The following PAK5 variants were observed in gnomAD, a reference collection of about 807,000 sequenced individuals.
PAK5 encodes the protein serine/threonine-protein kinase PAK 5.
A neutral mutation model predicts 65.9 loss-of-function variants in PAK5; 16 were observed. The ratio of observed to expected loss-of-function variants is 0.24; its 90% CI spans 0.16 to 0.37. The LOEUF is 0.37. PAK5 is among the 10% of genes least tolerant of loss of function. The pLI, the probability that PAK5 is intolerant of heterozygous loss-of-function variation, is 1.00. For missense variants in PAK5, 785 were observed against 903.9 expected, an observed-to-expected ratio of 0.87 and a Z score of 1.69; for synonymous variants, 371 against 354.9, an observed-to-expected ratio of 1.05 and a Z score of -0.51.
chr20:9,587,914 C>G (rs573555530), intron 3 of PAK5, among the ~76,000 whole-genome samples: 1 of 151,956 alleles, frequency 6.6e-6, no homozygotes, highest in East Asian at 1.9e-4. Context: ...TATTAACTAT[C>G]TATAATATAG....
At chr20:9,753,060 C>T (rs916101282) in intron 1 of PAK5, among the ~76,000 whole-genome samples, 1 of 152,146 alleles carries the variant, frequency 6.6e-6, no homozygotes, top group South Asian at 2.1e-4. Flanking sequence ...CCAGACCAGC[C>T]AACCCCAAGC....
At chr20:9,740,604 T>C (rs2048440854) in intron 1 of PAK5, among the ~76,000 whole-genome samples, 1 of 152,228 alleles carries the variant, frequency 6.6e-6, no homozygotes, top group African/African-American at 2.4e-5. Flanking sequence ...TCTCTTGTGC[T>C]CTTGCACCAC....
At chr20:9,783,830 C>T (rs2048966416) in intron 1 of PAK5, among the ~76,000 whole-genome samples, 1 of 152,148 alleles carries the variant, frequency 6.6e-6, no homozygotes, top group Admixed American at 6.5e-5. Flanking sequence ...ATTCTGAAGG[C>T]CAAAACAGCT....
chr20:9,828,273 C>T (rs1358480702), intron 1 of PAK5, among the ~76,000 whole-genome samples: 1 of 152,208 alleles, frequency 6.6e-6, no homozygotes, highest in Non-Finnish European at 1.5e-5. Flanking sequence ...CACTACTTAA[C>T]TCAAGGCGTG....
chr20:9,580,814 G>A lies in PAK5; in HGVS notation c.321C>T (p.Thr107=), dbSNP rs968910151. The part of the protein sequence containing the change: ...SNSLRKESPP[T]PDQGASSHGP... The stretch of plus-strand genomic sequence containing the variant: ...CGTGGCTGGAGGCTCCCTGATCTGG[G>A]GTGGGTGGGCTTTCTTTCCTTAGGG... Residue 107 remains threonine, a synonymous_variant, in exon 4 of 10, where the codon ACC becomes ACT. Transcript: ENST00000353224. 70 of 1,613,848 alleles carry A rather than the reference G, an allele frequency of 4.3e-5. No homozygotes were observed. The highest frequency in any genetic ancestry group is 5.6e-5 in the Non-Finnish European group (66 of 1,179,976).
In PAK5 at chr20:9,580,342, C is replaced by T; in HGVS notation, c.793G>A (p.Asp265Asn). ...AGGTACGAAGACTTTGGCCTCCTGTCATAGTCATCCAGGCTGGGTCCCCAT... is the reference window on the plus strand; with the variant it reads ...AGGTACGAAGACTTTGGCCTCCTGTTATAGTCATCCAGGCTGGGTCCCCAT... ...SEWGPSLDDYDRRPKSSYLNQ... is the reference protein window; with the variant it reads ...SEWGPSLDDYNRRPKSSYLNQ... The change falls in exon 4 of 10, where the codon GAC (aspartate) becomes AAC (asparagine). Residue 265 changes from aspartate (D) to asparagine (N), a missense_variant. By Grantham distance (23) the Asp-to-Asn change is conservative (BLOSUM62 1). Around this residue, in one of 4 missense-constraint regions of PAK5, gnomAD observed 422 missense variants for 413.3 expected, o/e 1.02. Coordinates refer to ENST00000353224, the MANE Select transcript of PAK5 (RefSeq NM_177990.4). The T allele has an allele frequency of 6.2e-7, 1 of 1,614,128 alleles. No homozygotes were observed. Among genetic ancestry groups the T allele is most frequent in the Non-Finnish European group, 8.5e-7 (1 of 1,180,022 alleles).
intron 1 of PAK5, among the ~76,000 whole-genome samples, chr20:9,802,221 G>A (rs1311034191): frequency 1.3e-5 from 2 of 152,086 alleles, no homozygotes; most frequent in African/African-American, 4.8e-5. Flanking sequence ...CTAGAAACAA[G>A]GACAATCTGG....
At chr20:9,541,126 G>A (rs926995151) in intron 9 of PAK5, among the ~76,000 whole-genome samples, 1 of 152,124 alleles carries the variant, frequency 6.6e-6, no homozygotes, top group African/African-American at 2.4e-5. Flanking sequence ...CAACCTATAT[G>A]AGTGATGCTA....
chr20:9,639,529 A>AT lies in PAK5; in HGVS notation c.204+4595dup, dbSNP rs200411332. 4.7e-4 allele frequency among the ~76,000 whole-genome samples: 71 copies of AT among 151,936 alleles called. No individual in the cohort carries two copies. In the East Asian group the frequency reaches 0.012, roughly 26 times the overall value. On this transcript the variant is annotated intron_variant, in intron 3 of 9. Coordinates refer to ENST00000353224, the MANE Select transcript of PAK5 (RefSeq NM_177990.4). The stretch of plus-strand genomic sequence containing the variant: ...GTCACTCCTTGTCTGTTTTTATTTT[A>AT]TTTTTTTCCCTCAGCGGCACAATTG...
chr20:9,672,868 T>C (rs2047519285), intron 2 of PAK5, among the ~76,000 whole-genome samples: 1 of 152,178 alleles, frequency 6.6e-6, no homozygotes, highest in African/African-American at 2.4e-5. Flanking sequence ...CTGCATTTGG[T>C]AATTCTTGAG....
intron 3 of PAK5, among the ~76,000 whole-genome samples, chr20:9,605,579 T>C (rs1301763982): frequency 6.6e-6 from 1 of 152,228 alleles, no homozygotes; most frequent in Non-Finnish European, 1.5e-5. Flanking sequence ...TGTTAACACC[T>C]GGCACAGTGT....
chr20:9,553,581 T>C (rs2045463509), intron 7 of PAK5, among the ~76,000 whole-genome samples: 1 of 152,042 alleles, frequency 6.6e-6, no homozygotes, highest in South Asian at 2.1e-4. Context: ...TGTATATATA[T>C]AAATATATGG....
chr20:9,736,075 A>G (rs2048385933), intron 1 of PAK5, among the ~76,000 whole-genome samples: 1 of 151,486 alleles, frequency 6.6e-6, no homozygotes, highest in African/African-American at 2.4e-5. Flanking sequence ...CTAATTTTGT[A>G]TTTTTAGTAG....
chr20:9,765,950 G>T (rs182223746), intron 1 of PAK5, among the ~76,000 whole-genome samples: 10 of 152,132 alleles, frequency 6.6e-5, no homozygotes, highest in African/African-American at 2.4e-4. Flanking sequence ...TGGGCTGGGC[G>T]TGGTGGCTCA....
chr20:9,837,268 AT>A (rs1304409484), intron 1 of PAK5, among the ~76,000 whole-genome samples: 1 of 152,164 alleles, frequency 6.6e-6, no homozygotes, highest in Non-Finnish European at 1.5e-5. Flanking sequence ...CAGATTGGAC[AT>A]TTATGGCTTT....
At chr20:9,782,854 A>C (rs889836863) in intron 1 of PAK5, among the ~76,000 whole-genome samples, 17 of 152,166 alleles carry the variant, frequency 1.1e-4, no homozygotes, top group Admixed American at 4.6e-4. Context: ...CACCATCGTC[A>C]AACATTTTCA....
intron 1 of PAK5, among the ~76,000 whole-genome samples, chr20:9,830,497 T>C (rs1978626357): frequency 6.6e-6 from 1 of 152,192 alleles, no homozygotes; most frequent in Non-Finnish European, 1.5e-5. Context: ...CAAACATGAC[T>C]GTTGGGCTTG....
At chr20:9,798,126 G>T (rs112794229) in intron 1 of PAK5, among the ~76,000 whole-genome samples, 265 of 152,232 alleles carry the variant, frequency 1.7e-3, no homozygotes, top group Middle Eastern at 0.014. Context: ...CAATGTGGGG[G>T]CCAAAACAAG....
intron 2 of PAK5, among the ~76,000 whole-genome samples, chr20:9,648,732 A>G (rs1407717585): frequency 6.6e-6 from 1 of 152,224 alleles, no homozygotes; most frequent in African/African-American, 2.4e-5. Flanking sequence ...CTGGAGATTT[A>G]GAATCTCAAA....
Sources: allele counts gnomAD v4.1 joint callset (sites outside exome capture counted in the v4.1 genomes callset), GRCh38; gene constraint gnomAD v4.1.1; regional missense constraint gnomAD v4.1.1; transcripts MANE v1.5; gene names NCBI Gene and HGNC (gene_info 2026-07-23, HGNC 2026-07-21).